Variants in SFMBT2 observed in about 807,000 individuals in gnomAD.
The protein encoded by SFMBT2 is Scm like with four mbt domains 2, also known as scm-like with four MBT domains protein 2.
Under a neutral mutation model 110.1 loss-of-function variants are expected in SFMBT2, and 38 were observed. The ratio of observed to expected loss-of-function variants is 0.35; its 90% CI spans 0.27 to 0.45. The LOEUF (loss-of-function observed/expected upper bound fraction) is 0.45. SFMBT2 is among the 20% of genes least tolerant of loss of function. SFMBT2 has a pLI of 1.00. For missense variants in SFMBT2, 1,011 were observed against 1,094.9 expected (o/e 0.92, Z 1.08); for synonymous variants, 425 against 425.4 (o/e 1.00, Z 0.01).
At chr10:7,180,554 T>A (rs1406557985) in intron 16 of SFMBT2, among the ~76,000 whole-genome samples, 1 of 152,096 alleles carries the variant, frequency 6.6e-6, no homozygotes, top group Non-Finnish European at 1.5e-5. Flanking sequence ...CGGACAGCCA[T>A]GAAGAGCCTT....
intron 7 of SFMBT2, chr10:7,264,110 C>A (rs188414491): frequency 2.3e-4 from 55 of 244,216 alleles, no homozygotes; most frequent in African/African-American, 1.1e-3. Flanking sequence ...TTATTTCTTT[C>A]TTGGTTTGTG....
rs1376346223 is a variant in SFMBT2, at chr10:7,293,904, A to G, written c.437-7950T>C. On this transcript the variant is annotated intron_variant, in intron 4 of 20. Coordinates refer to ENST00000397167, the MANE Select transcript of SFMBT2 (RefSeq NM_001387889.1). This position sits in a 1 kb window ranked among gnomAD's most constrained non-coding sequence, Gnocchi z 4.6. ...AAAGAGGGAAAGAACGTAAGCAAAGATGAACAATTTCCATCTCATCAGTTA... is the reference window on the plus strand; with the variant it reads ...AAAGAGGGAAAGAACGTAAGCAAAGGTGAACAATTTCCATCTCATCAGTTA... Among the ~76,000 whole-genome samples the G allele has an allele frequency of 6.6e-6, 1 of 152,240 alleles. No homozygotes were observed. Among genetic ancestry groups the G allele is most frequent in the Non-Finnish European group, 1.5e-5 (1 of 68,040 alleles).
intron 10 of SFMBT2, among the ~76,000 whole-genome samples, chr10:7,221,276 G>T (rs569953576): frequency 2.0e-5 from 3 of 151,794 alleles, no homozygotes; most frequent in African/African-American, 7.3e-5. Flanking sequence ...AGAATTTTTC[G>T]TAGTAAAAGG....
intron 1 of SFMBT2, 130 bp from the exon 2 acceptor site, chr10:7,382,079 C>A: frequency 2.0e-6 from 1 of 492,634 alleles, no homozygotes; most frequent in Middle Eastern, 5.6e-4. Flanking sequence ...CAAGATGCAA[C>A]ATAATGTTGT....
chr10:7,398,147 A>G (rs1377771522), intron 1 of SFMBT2, among the ~76,000 whole-genome samples: 1 of 152,256 alleles, frequency 6.6e-6, no homozygotes, highest in Non-Finnish European at 1.5e-5. Flanking sequence ...ACTAGGAAAT[A>G]AGATCTACTG....
rs1837852010 is a variant in SFMBT2 at position 7,170,806 on chromosome 10, CT to C, written c.2544+121del. 1.7e-6 allele frequency: 2 copies of C among 1,207,960 alleles called. No individual in the cohort carries two copies. The highest frequency in any genetic ancestry group is 1.5e-5 in the African/African-American group (1 of 67,228). 74.8% of individuals were successfully genotyped at this position (1,207,960 alleles called of 1,614,324 possible). On this transcript the variant is annotated intron_variant, in intron 20 of 20. Coordinates refer to ENST00000397167, the MANE Select transcript of SFMBT2 (RefSeq NM_001387889.1). This position sits in a 1 kb window ranked among gnomAD's most constrained non-coding sequence, Gnocchi z 4.6. ...TTGGAGGGAGAAGGGTCTCGCACAC[CT>C]GCCGAGCAGCGCCGAAGAACCCCCT...
intron 6 of SFMBT2, among the ~76,000 whole-genome samples, chr10:7,282,967 AAGGCCGGTAAGAGG>A (rs1455026085): frequency 6.6e-6 from 1 of 152,160 alleles, no homozygotes; most frequent in Admixed American, 6.5e-5. Flanking sequence ...TTCCCATTCA[AAGGCCGGTAAGAGG>A]AGGCCGGTAA....
chr10:7,344,915 C>A (rs1261080045), intron 4 of SFMBT2, among the ~76,000 whole-genome samples: 2 of 145,274 alleles, frequency 1.4e-5, no homozygotes, highest in South Asian at 2.2e-4. Context: ...GCCGAGATTG[C>A]GCCACTGCAC....
At chr10:7,174,486 C>A (rs1837986858) in intron 17 of SFMBT2, among the ~76,000 whole-genome samples, 1 of 152,228 alleles carries the variant, frequency 6.6e-6, no homozygotes, top group Non-Finnish European at 1.5e-5. Context: ...TGTCCTCCTC[C>A]CACTGGAGCC....
In SFMBT2 at chr10:7,294,191, A is replaced by T. The variant is rs534039761; in HGVS notation, c.437-8237T>A. 1.6e-4 allele frequency among the ~76,000 whole-genome samples: 24 copies of T among 152,296 alleles called. No homozygotes were observed. The South Asian group carries it at 5.0e-3, about 32-fold the overall frequency. On this transcript the variant is annotated intron_variant, in intron 4 of 20. Coordinates refer to ENST00000397167, the MANE Select transcript of SFMBT2 (RefSeq NM_001387889.1). ...AATATCATGGCTGTTTTCTATGCTT[A>T]CAAGAAAGGAAACCCACAAAATGGA...
At chr10:7,273,052 C>T (rs1841648388) in intron 7 of SFMBT2, among the ~76,000 whole-genome samples, 1 of 152,232 alleles carries the variant, frequency 6.6e-6, no homozygotes, top group Admixed American at 6.5e-5. Context: ...GTCTCGGCCT[C>T]CCAAAGTGCT....
At chr10:7,218,547 G>A (rs1235323447) in intron 11 of SFMBT2, among the ~76,000 whole-genome samples, 2 of 152,156 alleles carry the variant, frequency 1.3e-5, no homozygotes, top group Non-Finnish European at 2.9e-5. Flanking sequence ...AACGAATCAG[G>A]TCTGGAAAAA....
intron 7 of SFMBT2, among the ~76,000 whole-genome samples, chr10:7,259,498 T>C (rs1281935982): frequency 6.6e-6 from 1 of 152,242 alleles, no homozygotes; most frequent in East Asian, 1.9e-4. Context: ...TGTAGGATGT[T>C]GCAACTGCAT....
At chr10:7,320,915 A>G (rs7078171) in intron 4 of SFMBT2, among the ~76,000 whole-genome samples, 65,077 of 152,012 alleles carry the variant, frequency 0.43, 14,890 homozygotes, top group African/African-American at 0.61. Flanking sequence ...CAGTTCCTCC[A>G]CTGCTCGGAA....
intron 6 of SFMBT2, among the ~76,000 whole-genome samples, chr10:7,278,606 G>C (rs890923632): frequency 3.3e-5 from 5 of 152,170 alleles, no homozygotes; most frequent in African/African-American, 1.2e-4. Flanking sequence ...CCTGGGCATG[G>C]TAGGAAAAGG....
intron 4 of SFMBT2, among the ~76,000 whole-genome samples, chr10:7,336,553 G>C (rs1364185514): frequency 1.3e-5 from 2 of 152,174 alleles, no homozygotes; most frequent in East Asian, 3.8e-4. Flanking sequence ...ACTTGGGAAG[G>C]CTGAGGCGGG....
chr10:7,322,260 G>A (rs1405090040), intron 4 of SFMBT2, among the ~76,000 whole-genome samples: 1 of 152,204 alleles, frequency 6.6e-6, no homozygotes, highest in East Asian at 1.9e-4. Context: ...CATGTAAGAT[G>A]TGCCTTTGCT....
At position 7,249,565 on chromosome 10, in the gene SFMBT2, A is replaced by C. The variant is rs930117603; in HGVS notation, c.871-916T>G. 11 of 985,196 alleles carry C rather than the reference A, an allele frequency of 1.1e-5. No individual in the cohort carries two copies. The Admixed American group carries it at 2.5e-4, about 22-fold the overall frequency. 61.0% of individuals were successfully genotyped at this position (985,196 alleles called of 1,614,324 possible). ...ATACATCAATTGGGTGTGAAGTACA[A>C]AAATATCTGGGGACCTGTTACTTTC... On this transcript the variant is annotated intron_variant, in intron 7 of 20. Coordinates refer to ENST00000397167, the MANE Select transcript of SFMBT2 (RefSeq NM_001387889.1).
Position 7,159,494 on chromosome 10 carries a change from A to G in SFMBT2, c.*4276T>C, listed in dbSNP as rs1427889724. The stretch of plus-strand genomic sequence containing the variant: ...GAAAAGGGCAGTAAACAAAAGAATT[A>G]TTGAATTATAATAGTTGCCAATACA... On this transcript the variant is annotated 3_prime_UTR_variant, in exon 21 of 21. Coordinates refer to ENST00000397167, the MANE Select transcript of SFMBT2 (RefSeq NM_001387889.1). The G allele has an allele frequency of 6.6e-6, 1 of 152,246 alleles. No homozygotes were observed. The highest frequency in any genetic ancestry group is 1.9e-4 in the East Asian group (1 of 5,198). The allele number at this position is 152,246 out of a possible 1,614,324, so 9.4% of individuals were successfully genotyped here. A position where few individuals can be genotyped will look rare whatever the true frequency, so the allele number is the denominator to read the frequency against.
Sources: gnomAD v4.1 joint callset for allele counts (sites outside exome capture counted in the v4.1 genomes callset) on GRCh38, gnomAD v4.1.1 for gene constraint, Gnocchi (gnomAD v3.1) non-coding constraint, MANE v1.5 for transcripts, NCBI Gene and HGNC (gene_info 2026-07-23, HGNC 2026-07-21) for gene names.